The following TNFSF4 variants were observed in gnomAD, a reference collection of about 807,000 sequenced individuals.
The protein encoded by TNFSF4 is tumor necrosis factor ligand superfamily member 4.
TNFSF4 carries 4 observed loss-of-function variants against 7.3 expected under a neutral mutation model. The ratio of observed to expected loss-of-function variants is 0.55; its 90% CI spans 0.27 to 1.25. The LOEUF (loss-of-function observed/expected upper bound fraction) is 1.25, where lower values mean the gene tolerates loss of function less well. TNFSF4 is among the 50% of genes most tolerant of loss of function. The pLI, the probability that TNFSF4 is intolerant of heterozygous loss-of-function variation, is 0.12. For missense variants in TNFSF4, 181 were observed against 208.8 expected (o/e 0.87, Z 0.82); for synonymous variants, 76 against 83.7 (o/e 0.91, Z 0.50).
chr1:173,192,123 G>T (rs939478554), intron 1 of TNFSF4, among the ~76,000 whole-genome samples: 5 of 152,198 alleles, frequency 3.3e-5, no homozygotes. Context: ...GTTGCAGTGA[G>T]CCAAGATCAC....
chr1:173,308,285 C>CTGTGTGTG, the TNFSF4 span, among the ~76,000 whole-genome samples: 14 of 135,124 alleles, frequency 1.0e-4, no homozygotes, highest in Non-Finnish European at 1.7e-4. Context: ...CTCTCTCTCT[C>CTGTGTGTG]TGTGTGTGTG....
At chr1:173,447,787 AATTAC>A in the TNFSF4 span, among the ~76,000 whole-genome samples, 2 of 152,170 alleles carry the variant, frequency 1.3e-5, no homozygotes, top group African/African-American at 4.8e-5. Context: ...ACATATCAAT[AATTAC>A]ATTAAATATA....
the TNFSF4 span, among the ~76,000 whole-genome samples, chr1:173,350,412 C>A: frequency 6.6e-6 from 1 of 152,156 alleles, no homozygotes; most frequent in Non-Finnish European, 1.5e-5. Context: ...ATCAATAAGT[C>A]CCCTGGCTCT....
the TNFSF4 span, among the ~76,000 whole-genome samples, chr1:173,215,981 C>T: frequency 6.6e-6 from 1 of 152,126 alleles, no homozygotes; most frequent in Admixed American, 6.5e-5. Context: ...CCAGGCCCCA[C>T]CCCAGACCTA....
At chr1:173,399,255 A>G in the TNFSF4 span, among the ~76,000 whole-genome samples, 1 of 152,194 alleles carries the variant, frequency 6.6e-6, no homozygotes, top group Admixed American at 6.5e-5. Flanking sequence ...CTATACCCTC[A>G]TGCAAAGTTC....
the TNFSF4 span, among the ~76,000 whole-genome samples, chr1:173,303,723 G>A: frequency 6.6e-6 from 1 of 151,768 alleles, no homozygotes; most frequent in Non-Finnish European, 1.5e-5. Flanking sequence ...TTAACAACTT[G>A]ATATAGAGCC....
chr1:173,275,003 ACT>A, the TNFSF4 span, among the ~76,000 whole-genome samples: 5 of 152,050 alleles, frequency 3.3e-5, no homozygotes, highest in African/African-American at 1.2e-4. Context: ...CATTTGTGTA[ACT>A]CTTGTCAAGG....
At chr1:173,447,617 C>T in the TNFSF4 span, among the ~76,000 whole-genome samples, 18 of 151,532 alleles carry the variant, frequency 1.2e-4, no homozygotes, top group African/African-American at 4.4e-4. Context: ...GAAAAAAATA[C>T]ACTGTGTGAA....
chr1:173,223,889 G>A, the TNFSF4 span, among the ~76,000 whole-genome samples: 3 of 152,188 alleles, frequency 2.0e-5, no homozygotes, highest in African/African-American at 4.8e-5. Flanking sequence ...AAAGCAGAAC[G>A]TGGGACAGTT....
chr1:173,226,093 T>C, the TNFSF4 span, among the ~76,000 whole-genome samples: 1 of 152,234 alleles, frequency 6.6e-6, no homozygotes, highest in African/African-American at 2.4e-5. Context: ...TGGGTAGGCA[T>C]AATTTATCAG....
At chr1:173,369,512 G>C in the TNFSF4 span, among the ~76,000 whole-genome samples, 1 of 152,128 alleles carries the variant, frequency 6.6e-6, no homozygotes, top group Non-Finnish European at 1.5e-5. Context: ...CTGAACAGCA[G>C]GGTCCAGGGA....
the TNFSF4 span, among the ~76,000 whole-genome samples, chr1:173,325,555 CA>C: frequency 6.6e-6 from 1 of 151,770 alleles, no homozygotes. Flanking sequence ...AAAAACCCTT[CA>C]AAAAATCAAT....
chr1:173,250,021 T>TA, the TNFSF4 span, among the ~76,000 whole-genome samples: 18 of 148,678 alleles, frequency 1.2e-4, no homozygotes, highest in East Asian at 3.9e-4. Flanking sequence ...GAACTTAAAA[T>TA]AAAAAAAAAA....
the TNFSF4 span, among the ~76,000 whole-genome samples, chr1:173,320,622 C>T: frequency 6.6e-6 from 1 of 152,206 alleles, no homozygotes; most frequent in African/African-American, 2.4e-5. Context: ...TAAGCAACTT[C>T]AGCAAAGTCT....
At chr1:173,444,049 C>T in the TNFSF4 span, among the ~76,000 whole-genome samples, 2 of 152,190 alleles carry the variant, frequency 1.3e-5, no homozygotes, top group Admixed American at 6.5e-5. Flanking sequence ...GACAGGAAGA[C>T]ACAAAACACA....
the TNFSF4 span, among the ~76,000 whole-genome samples, chr1:173,224,367 T>G: frequency 6.6e-6 from 1 of 152,224 alleles, no homozygotes; most frequent in Non-Finnish European, 1.5e-5. Flanking sequence ...ATGATCTAAT[T>G]TAATCCCTGC....
chr1:173,212,635 A>G, the TNFSF4 span, among the ~76,000 whole-genome samples: 1 of 151,962 alleles, frequency 6.6e-6, no homozygotes, highest in South Asian at 2.1e-4. Context: ...CAATAGGGTG[A>G]CTATAGTCAA....
At chr1:173,434,908 A>C in the TNFSF4 span, among the ~76,000 whole-genome samples, 3 of 152,230 alleles carry the variant, frequency 2.0e-5, no homozygotes, top group African/African-American at 7.2e-5. Flanking sequence ...CAAAATAGTG[A>C]AACACTGAAG....
chr1:173,353,344 C>T, the TNFSF4 span, among the ~76,000 whole-genome samples: 2 of 152,146 alleles, frequency 1.3e-5, no homozygotes, highest in African/African-American at 4.8e-5. Context: ...GGAGAACTAA[C>T]AAATGTCCAT....
Sources: gnomAD v4.1 joint callset for allele counts (sites outside exome capture counted in the v4.1 genomes callset) on GRCh38, gnomAD v4.1.1 for gene constraint, MANE v1.5 for transcripts, NCBI Gene and HGNC (gene_info 2026-07-23, HGNC 2026-07-21) for gene names.